Variants in ARHGAP27 observed in about 807,000 individuals in gnomAD.
ARHGAP27 encodes rho GTPase-activating protein 27.
In ARHGAP27, 53 loss-of-function variants were observed where a neutral mutation model predicts 102.0. That is an observed-to-expected ratio of 0.52 (90% CI 0.42 to 0.65). The LOEUF is 0.65. ARHGAP27 is among the 30% of genes least tolerant of loss of function. The pLI, the probability that ARHGAP27 is intolerant of heterozygous loss-of-function variation, is 0.00. For missense variants in ARHGAP27, 1,117 were observed against 1,256.2 expected, an observed-to-expected ratio of 0.89 and a Z score of 1.68; for synonymous variants, 525 against 542.8, an observed-to-expected ratio of 0.97 and a Z score of 0.46.
At chr17:45,410,081 G>C in intron 4 of ARHGAP27, 2 of 1,014,840 alleles carry the variant, frequency 2.0e-6, no homozygotes, top group Non-Finnish European at 2.8e-6. Flanking sequence ...ACCACCTCTT[G>C]GATGGGCAGG....
chr17:45,406,072 T>A lies in ARHGAP27; in HGVS notation c.669A>T (p.Pro223=). ...PEESAEQVDD[P]PEPVYANIER... ...CTATGTTCGCGTACACGGGCTCCGGTGGGTCGTCCACCTGCGGGAGGAGAA... is the reference window on the plus strand; with the variant it reads ...CTATGTTCGCGTACACGGGCTCCGGAGGGTCGTCCACCTGCGGGAGGAGAA... The change falls in exon 5 of 20, where the codon CCA becomes CCT. Residue 223 remains proline (P), a synonymous_variant. Transcript: ENST00000685559. 1.3e-6 allele frequency: 2 copies of A among 1,521,436 alleles called. No homozygotes were observed. Among genetic ancestry groups the A allele is most frequent in the Non-Finnish European group, 1.8e-6 (2 of 1,137,494 alleles). 94.2% of individuals were successfully genotyped at this position (1,521,436 alleles called of 1,614,324 possible). A position where few individuals can be genotyped will look rare whatever the true frequency, so the allele number is the denominator to read the frequency against.
Position 45,394,115 on chromosome 17 carries a change from G to A in ARHGAP27, c.*1341C>T, listed in dbSNP as rs7613. On this transcript the variant is annotated 3_prime_UTR_variant, in exon 20 of 20. Transcript: ENST00000685559. ...TGCCCCTGCCCAGAGCACAGCACCTGGCACAGAGGAGCAGACAATAAATAC... is the reference window on the plus strand; with the variant it reads ...TGCCCCTGCCCAGAGCACAGCACCTAGCACAGAGGAGCAGACAATAAATAC... 0.36 allele frequency: 54,701 copies of A among 152,540 alleles called. 10,438 individuals carry two copies. Among genetic ancestry groups the A allele is most frequent in the African/African-American group, 0.49 (20,413 of 41,494 alleles). 9.4% of individuals were successfully genotyped at this position (152,540 alleles called of 1,614,324 possible).
rs375799191 is a variant in ARHGAP27 at position 45,413,975 on chromosome 17, G to A, written c.658-7892C>T. ...ACAAAAATTAGCTGGGCGTGGTGGC[G>A]TGCGCCTGTAATTCCAGCTACTCGG... On this transcript the variant is annotated intron_variant, in intron 4 of 19. Transcript: ENST00000685559. Among the ~76,000 whole-genome samples the A allele has an allele frequency of 3.0e-4, 46 of 152,234 alleles. No individual in the cohort carries two copies. In the East Asian group the frequency reaches 6.4e-3, roughly 21 times the overall value.
At chr17:45,425,797 G>T (rs1167131725) in intron 4 of ARHGAP27, among the ~76,000 whole-genome samples, 2 of 152,234 alleles carry the variant, frequency 1.3e-5, no homozygotes, top group South Asian at 2.1e-4. Flanking sequence ...AAATCCCAGA[G>T]TCAGGACCAA....
chr17:45,418,681 G>T (rs2048723035), intron 4 of ARHGAP27, among the ~76,000 whole-genome samples: 1 of 152,144 alleles, frequency 6.6e-6, no homozygotes, highest in South Asian at 2.1e-4. Flanking sequence ...GTCAAGCAGA[G>T]GCTGGGACAG....
chr17:45,422,997 A>G lies in ARHGAP27; in HGVS notation c.657+6626T>C, dbSNP rs1212892883. 3.3e-5 allele frequency among the ~76,000 whole-genome samples: 5 copies of G among 152,176 alleles called. No individual in the cohort carries two copies. In the East Asian group the frequency reaches 9.7e-4, roughly 29 times the overall value. ...GGAGTTGCAGACCAGCCTGGCCAAC[A>G]TGGCAAAATCACCTCTGTACTAAAA... On this transcript the variant is annotated intron_variant, in intron 4 of 19. Coordinates refer to ENST00000685559, the MANE Select transcript of ARHGAP27 (RefSeq NM_001282290.2).
rs747150033 is a variant in ARHGAP27, at chr17:45,430,046, C to T, written c.234G>A (p.Pro78=). ...PALGNPAAAA[P]PGPHPSPAAP... is the part of the protein sequence containing the mutation. ...CCGCGGGGCTCGGGTGGGGACCTGG[C>T]GGCGCGGCGGCGGCAGGGTTGCCCA... Residue 78 remains proline (P), a synonymous_variant, in exon 4 of 20, where the codon CCG becomes CCA. Transcript: ENST00000685559. This position sits in a 1 kb window ranked among gnomAD's most constrained non-coding sequence, Gnocchi z 4.4. The T allele has an allele frequency of 4.8e-6, 6 of 1,259,554 alleles. No individual in the cohort carries two copies. Among genetic ancestry groups the T allele is most frequent in the African/African-American group, 1.6e-5 (1 of 62,262 alleles). 78.0% of individuals were successfully genotyped at this position (1,259,554 alleles called of 1,614,324 possible).
chr17:45,395,439 C>G lies in ARHGAP27; in HGVS notation c.*17G>C. 1 of 1,548,122 alleles carries G rather than the reference C, an allele frequency of 6.5e-7. No homozygotes were observed. The highest frequency in any genetic ancestry group is 1.2e-5 in the South Asian group (1 of 83,828). On this transcript the variant is annotated 3_prime_UTR_variant, in exon 20 of 20. Coordinates refer to ENST00000685559, the MANE Select transcript of ARHGAP27 (RefSeq NM_001282290.2). ...TGTGGCAGGACCGCGGCCGCCGCCC[C>G]AGTCACAGGCCAGCAGTCAGTGCGG...
At position 45,406,034 on chromosome 17, in the gene ARHGAP27, C is replaced by A; in HGVS notation, c.707G>T (p.Arg236Leu). ...TGCAGCGGCGCCCGGTGAAGTGGCC[C>A]GGGGCTGCCTCTCTATGTTCGCGTA... ...PVYANIERQP[R>L]ATSPGAAAAP... is the part of the protein sequence containing the mutation. The change falls in exon 5 of 20, where the codon CGG becomes CTG. Residue 236 changes from arginine to leucine, a missense_variant. By Grantham distance (102) the Arg-to-Leu change is moderately radical. Coordinates refer to ENST00000685559, the MANE Select transcript of ARHGAP27 (RefSeq NM_001282290.2). 1 of 1,534,032 alleles carries A rather than the reference C, an allele frequency of 6.5e-7. No homozygotes were observed.
chr17:45,404,732 G>A, intron 6 of ARHGAP27, 51 bp from the exon 7 acceptor site: 1 of 1,571,912 alleles, frequency 6.4e-7, no homozygotes, highest in Non-Finnish European at 8.7e-7. Flanking sequence ...TGAGAGGGGA[G>A]GAAAAGTTTC....
intron 4 of ARHGAP27, among the ~76,000 whole-genome samples, chr17:45,419,508 GTATGTATATATATATATATATATATA>G (rs1205351480): frequency 8.1e-5 from 7 of 86,414 alleles, no homozygotes; most frequent in African/African-American, 3.3e-4. Context: ...GACTTATGCT[GTATGTATATATATATATATATATATA>G]TATATATATA....
chr17:45,418,518 G>C (rs1318046037), intron 4 of ARHGAP27, among the ~76,000 whole-genome samples: 1 of 152,184 alleles, frequency 6.6e-6, no homozygotes, highest in Non-Finnish European at 1.5e-5. Flanking sequence ...CCTGGAAACA[G>C]ACTTGCCCTT....
At position 45,397,221 on chromosome 17, in the gene ARHGAP27, A is replaced by T. The variant is rs371333294; in HGVS notation, c.1843-197T>A. On this transcript the variant is annotated intron_variant, in intron 13 of 19. Coordinates refer to ENST00000685559, the MANE Select transcript of ARHGAP27 (RefSeq NM_001282290.2). ...GAGAACATTCACCTCCCTTAGCTGC[A>T]TGGAGCCCTTAAGGTGCAGAGACAG... 90 of 1,427,992 alleles carry T rather than the reference A, an allele frequency of 6.3e-5. 2 individuals are homozygous for T. The South Asian group carries it at 1.2e-3, about 19-fold the overall frequency. The allele number at this position is 1,427,992 out of a possible 1,614,324, so 88.5% of individuals were successfully genotyped here. A position where few individuals can be genotyped will look rare whatever the true frequency, so the allele number is the denominator to read the frequency against.
chr17:45,406,148 C>G, intron 4 of ARHGAP27, 65 bp from the exon 5 acceptor site: 1 of 1,429,928 alleles, frequency 7.0e-7, no homozygotes, highest in Non-Finnish European at 9.2e-7. Context: ...ACAGAGGTCC[C>G]CTCTGGGCAG....
rs540047082 is a variant in ARHGAP27 at position 45,425,294 on chromosome 17, G to C, written c.657+4329C>G. ...GGCTAGCTAGAGTCCCTTCAACTTG[G>C]CCTCAGCTTCCTGCTGTTACCAACA... On this transcript the variant is annotated intron_variant, in intron 4 of 19. Transcript: ENST00000685559. 4.3e-3 allele frequency among the ~76,000 whole-genome samples: 661 copies of C among 152,190 alleles called. 9 individuals carry two copies. The highest frequency in any genetic ancestry group is 0.015 in the African/African-American group (630 of 41,518).
At position 45,405,032 on chromosome 17, in the gene ARHGAP27, A is replaced by G. The variant is rs751962480; in HGVS notation, c.1140T>C (p.Ser380=). The G allele has an allele frequency of 5.0e-6, 8 of 1,613,698 alleles. No homozygotes were observed. The South Asian group carries it at 7.7e-5, about 16-fold the overall frequency. ...GAGAGGTAGGGCCGGGCTCACCGAA[A>G]GAGCCCACGGGAGAATAGTCCTCCT... ...YPEEDYSPVG[S]FGEPGPTSPL... Residue 380 remains serine, a synonymous_variant, in exon 6 of 20, where the codon TCT becomes TCC. Coordinates refer to ENST00000685559, the MANE Select transcript of ARHGAP27 (RefSeq NM_001282290.2).
intron 12 of ARHGAP27, among the ~76,000 whole-genome samples, chr17:45,402,245 C>T (rs1469479554): frequency 6.6e-6 from 1 of 152,152 alleles, no homozygotes; most frequent in Non-Finnish European, 1.5e-5. Context: ...GACAGGGAGC[C>T]TCCTGTCTCT....
intron 4 of ARHGAP27, among the ~76,000 whole-genome samples, chr17:45,429,148 C>A (rs2049855231): frequency 6.6e-6 from 1 of 152,362 alleles, no homozygotes; most frequent in African/African-American, 2.4e-5. Flanking sequence ...GGCCCGCAAT[C>A]CCCCGTTCCG....
At chr17:45,411,430 C>A (rs1472255020) in intron 4 of ARHGAP27, among the ~76,000 whole-genome samples, 1 of 152,190 alleles carries the variant, frequency 6.6e-6, no homozygotes, top group South Asian at 2.1e-4. Flanking sequence ...CTCCTCTGGC[C>A]CCCACCCTGG....
Sources: allele counts gnomAD v4.1 joint callset (sites outside exome capture counted in the v4.1 genomes callset), GRCh38; gene constraint gnomAD v4.1.1; non-coding constraint Gnocchi (gnomAD v3.1); transcripts MANE v1.5; gene names NCBI Gene and HGNC (gene_info 2026-07-23, HGNC 2026-07-21).